The following FAM13A variants were observed in gnomAD, a reference collection of about 807,000 sequenced individuals.
FAM13A encodes protein FAM13A.
In FAM13A, 76 loss-of-function variants were observed where a neutral mutation model predicts 129.6. The observed-to-expected ratio is 0.59, with a 90% CI of 0.49 to 0.71. The LOEUF is 0.71. Ranked by LOEUF, FAM13A falls within the 30% of genes least tolerant of loss-of-function variation. The probability of loss-of-function intolerance (pLI) is 0.00; values close to 1 mark genes in which losing one functional copy is unlikely to be tolerated. For missense variants in FAM13A, 1,108 were observed against 1,249.3 expected (o/e 0.89, Z 1.70); for synonymous variants, 443 against 449.9 (o/e 0.98, Z 0.20).
intron 6 of FAM13A, among the ~76,000 whole-genome samples, chr4:88,900,252 A>G (rs928359028): frequency 5.3e-5 from 8 of 152,148 alleles, no homozygotes; most frequent in Non-Finnish European, 1.2e-4. Context: ...AACTTCCCCA[A>G]CTTAACAAGA....
At chr4:88,885,722 A>G (rs1744292503) in intron 6 of FAM13A, among the ~76,000 whole-genome samples, 1 of 152,154 alleles carries the variant, frequency 6.6e-6, no homozygotes, top group South Asian at 2.1e-4. Flanking sequence ...TAAGCAGACA[A>G]CCCACAGAGT....
chr4:88,873,584 A>T (rs1379173107), intron 6 of FAM13A, among the ~76,000 whole-genome samples: 2 of 152,232 alleles, frequency 1.3e-5, no homozygotes, highest in East Asian at 3.9e-4. Context: ...TCCCAAGACT[A>T]ACCCAGGAAG....
intron 7 of FAM13A, among the ~76,000 whole-genome samples, chr4:88,825,227 TG>T (rs397755012): frequency 8.7e-5 from 13 of 149,454 alleles, no homozygotes; most frequent in African/African-American, 2.5e-4. Context: ...TTTTTTTTTT[TG>T]GGGGGGGGAT....
intron 6 of FAM13A, among the ~76,000 whole-genome samples, 173 bp from the exon 7 acceptor site, chr4:88,851,356 G>A (rs1167059277): frequency 6.6e-6 from 1 of 151,780 alleles, no homozygotes; most frequent in African/African-American, 2.4e-5. Context: ...AAATGATATA[G>A]CAAAGGGCAC....
chr4:88,867,276 T>C (rs1423652596), intron 6 of FAM13A, among the ~76,000 whole-genome samples: 1 of 152,210 alleles, frequency 6.6e-6, no homozygotes, highest in African/African-American at 2.4e-5. Context: ...ACACCTGTCC[T>C]CCACTTATCC....
intron 3 of FAM13A, among the ~76,000 whole-genome samples, chr4:89,016,855 A>G (rs547095095): frequency 6.6e-6 from 1 of 152,238 alleles, no homozygotes; most frequent in South Asian, 2.1e-4. Flanking sequence ...GGCTGATCTC[A>G]AACTCCTGGG....
At chr4:88,778,083 TA>T (rs1218749388) in intron 11 of FAM13A, among the ~76,000 whole-genome samples, 1 of 152,212 alleles carries the variant, frequency 6.6e-6, no homozygotes, top group Non-Finnish European at 1.5e-5. Context: ...CTCCCTTGGT[TA>T]TCTCAGCCAG....
intron 7 of FAM13A, among the ~76,000 whole-genome samples, chr4:88,806,835 T>A (rs1728658162): frequency 6.6e-6 from 1 of 152,084 alleles, no homozygotes; most frequent in African/African-American, 2.4e-5. Context: ...TTATAGGAGG[T>A]GACTACTTTT....
At chr4:88,776,047 A>G (rs989148110) in intron 11 of FAM13A, among the ~76,000 whole-genome samples, 2 of 152,200 alleles carry the variant, frequency 1.3e-5, no homozygotes, top group African/African-American at 4.8e-5. Flanking sequence ...CATGAAACTA[A>G]AAGGAAGTTG....
At chr4:88,839,567 T>C (rs1735444038) in intron 7 of FAM13A, among the ~76,000 whole-genome samples, 1 of 152,194 alleles carries the variant, frequency 6.6e-6, no homozygotes, top group Non-Finnish European at 1.5e-5. Context: ...TGAAGTGGAC[T>C]TGTTCAACTG....
intron 4 of FAM13A, among the ~76,000 whole-genome samples, chr4:88,962,906 T>C (rs1014110858): frequency 2.0e-5 from 3 of 152,200 alleles, no homozygotes; most frequent in Admixed American, 6.5e-5. Context: ...AAGATGTTCA[T>C]GACATATTAT....
chr4:88,913,813 C>T (rs892852604), intron 5 of FAM13A, among the ~76,000 whole-genome samples: 6 of 152,104 alleles, frequency 3.9e-5, no homozygotes, highest in African/African-American at 1.4e-4. Context: ...AAATTTGTGT[C>T]TCTGTCTCTG....
intron 7 of FAM13A, among the ~76,000 whole-genome samples, chr4:88,824,940 T>A (rs901456471): frequency 2.0e-5 from 3 of 152,066 alleles, no homozygotes; most frequent in Admixed American, 2.0e-4. Flanking sequence ...ACTCCTGACC[T>A]CAGGTGATCC....
intron 3 of FAM13A, among the ~76,000 whole-genome samples, chr4:89,019,241 T>C (rs1049248177): frequency 9.9e-5 from 15 of 152,204 alleles, no homozygotes; most frequent in African/African-American, 3.6e-4. Flanking sequence ...CTTATCCTGT[T>C]CTTTAGCATA....
At position 88,746,945 on chromosome 4, in the gene FAM13A, A is replaced by G; in HGVS notation, c.2453T>C (p.Ile818Thr). The G allele has an allele frequency of 6.2e-7, 1 of 1,612,516 alleles. No individual in the cohort carries two copies. The highest frequency in any genetic ancestry group is 8.5e-7 in the Non-Finnish European group (1 of 1,178,554). Residue 818 changes from isoleucine to threonine, a missense_variant, in exon 19 of 24, where the codon ATT (isoleucine) becomes ACT (threonine). By Grantham distance (89) the Ile-to-Thr change is moderately conservative. Transcript: ENST00000264344. ...TACATCACATACCGGCCGTCCATGA[A>G]TGCTTTCATAATATAACAGAGCTTT... ...LQKALLYYES[I>T]HGRPVTKNER...
At chr4:88,867,993 TAA>T (rs1224259000) in intron 6 of FAM13A, among the ~76,000 whole-genome samples, 1 of 152,194 alleles carries the variant, frequency 6.6e-6, no homozygotes, top group African/African-American at 2.4e-5. Context: ...AACTCACTTC[TAA>T]AGTTTCCAAA....
At chr4:88,803,309 TTC>T (rs1189134025) in intron 8 of FAM13A, among the ~76,000 whole-genome samples, 1 of 152,204 alleles carries the variant, frequency 6.6e-6, no homozygotes, top group Non-Finnish European at 1.5e-5. Flanking sequence ...TGCATATTCA[TTC>T]TCTTTTTCCC....
intron 6 of FAM13A, among the ~76,000 whole-genome samples, chr4:88,856,714 G>A (rs1312434156): frequency 2.0e-5 from 3 of 152,166 alleles, no homozygotes; most frequent in Non-Finnish European, 4.4e-5. Context: ...ATTTTCTCAA[G>A]AAAGTTAACC....
At chr4:88,730,515 C>T (rs1478548383) in intron 23 of FAM13A, among the ~76,000 whole-genome samples, 1 of 152,020 alleles carries the variant, frequency 6.6e-6, no homozygotes, top group African/African-American at 2.4e-5. Flanking sequence ...GCCTCAGCCT[C>T]GAGTAGCTGG....
Sources: allele counts gnomAD v4.1 joint callset (sites outside exome capture counted in the v4.1 genomes callset), GRCh38; gene constraint gnomAD v4.1.1; transcripts MANE v1.5; gene names NCBI Gene and HGNC (gene_info 2026-07-23, HGNC 2026-07-21).